The following XPO7 variants were observed in gnomAD, a reference collection of about 807,000 sequenced individuals.
XPO7 encodes the protein exportin 7, also known as exportin-7.
In XPO7, 21 loss-of-function variants were observed where a neutral mutation model predicts 144.3. The ratio of observed to expected loss-of-function variants is 0.15; its 90% CI spans 0.10 to 0.21. The LOEUF (loss-of-function observed/expected upper bound fraction) is 0.21. XPO7 is among the 10% of genes least tolerant of loss of function. The probability of loss-of-function intolerance (pLI) is 1.00; values close to 1 mark genes in which losing one functional copy is unlikely to be tolerated. For synonymous variants in XPO7, 580 were observed against 499.6 expected, an observed-to-expected ratio of 1.16 and a Z score of -2.15; for missense variants, 808 against 1,325.8, an observed-to-expected ratio of 0.61 and a Z score of 6.06.
At chr8:21,925,454 T>A (rs1810429109) in intron 1 of XPO7, among the ~76,000 whole-genome samples, 1 of 152,168 alleles carries the variant, frequency 6.6e-6, no homozygotes, top group African/African-American at 2.4e-5. Flanking sequence ...GTAATAGAAT[T>A]TTCCTTGAAA....
Position 21,943,582 on chromosome 8 carries a change from C to T in XPO7, c.19-23275C>T, listed in dbSNP as rs549219139. On this transcript the variant is annotated intron_variant, in intron 1 of 27. Transcript: ENST00000252512. ...AAAGGGTGAGTCATTTTGTTAAACGCGTAAAACATTCCTTATTTCCTTCCC... is the reference window on the plus strand; with the variant it reads ...AAAGGGTGAGTCATTTTGTTAAACGTGTAAAACATTCCTTATTTCCTTCCC... 3.9e-5 allele frequency among the ~76,000 whole-genome samples: 6 copies of T among 152,256 alleles called. No individual in the cohort carries two copies. The East Asian group carries it at 1.2e-3, about 29-fold the overall frequency.
At chr8:21,945,714 C>G (rs1585429302) in intron 1 of XPO7, among the ~76,000 whole-genome samples, 1 of 152,158 alleles carries the variant, frequency 6.6e-6, no homozygotes, top group Non-Finnish European at 1.5e-5. Context: ...ATTCCATTTC[C>G]TTTTGTATGG....
At chr8:21,950,606 T>C (rs1811338685) in intron 1 of XPO7, among the ~76,000 whole-genome samples, 1 of 152,168 alleles carries the variant, frequency 6.6e-6, no homozygotes, top group South Asian at 2.1e-4. Flanking sequence ...ATATGGACTT[T>C]CCTTAGATGA....
intron 1 of XPO7, among the ~76,000 whole-genome samples, chr8:21,954,549 G>T (rs1162134643): frequency 6.6e-6 from 1 of 152,068 alleles, no homozygotes; most frequent in African/African-American, 2.4e-5. Context: ...CAGGAGAATC[G>T]CTTGAACCCG....
intron 25 of XPO7, among the ~76,000 whole-genome samples, chr8:22,002,563 T>C (rs1215101212): frequency 6.6e-6 from 1 of 152,324 alleles, no homozygotes; most frequent in Admixed American, 6.5e-5. Flanking sequence ...GCTCACCCAC[T>C]GCTATAAATA....
chr8:21,936,169 G>C (rs938169004), intron 1 of XPO7, among the ~76,000 whole-genome samples: 2 of 152,052 alleles, frequency 1.3e-5, no homozygotes, highest in Admixed American at 6.6e-5. Context: ...GACCACTCTT[G>C]AACCTACTGA....
chr8:21,939,665 A>G (rs1427088564), intron 1 of XPO7, among the ~76,000 whole-genome samples: 1 of 152,212 alleles, frequency 6.6e-6, no homozygotes, highest in African/African-American at 2.4e-5. Flanking sequence ...AAATTTTTAA[A>G]CATATCAGGA....
At chr8:21,946,919 G>A (rs766280700) in intron 1 of XPO7, among the ~76,000 whole-genome samples, 11 of 152,180 alleles carry the variant, frequency 7.2e-5, no homozygotes, top group Non-Finnish European at 7.3e-5. Context: ...GTGAATGTCA[G>A]CCTAGCATTG....
chr8:21,920,224 T>A lies in XPO7; in HGVS notation c.18+436T>A, dbSNP rs1439618906. The stretch of plus-strand genomic sequence containing the variant: ...CTCAGCAGATAACAAAAAGGAAACC[T>A]CGCGCTGATAAACCTCGCTCTCCGG... On this transcript the variant is annotated intron_variant, in intron 1 of 27. Coordinates refer to ENST00000252512, the MANE Select transcript of XPO7 (RefSeq NM_015024.5). 2.1e-5 allele frequency among the ~76,000 whole-genome samples: 3 copies of A among 144,634 alleles called. No individual in the cohort carries two copies. The East Asian group carries it at 6.2e-4, about 30-fold the overall frequency. 94.9% of individuals were successfully genotyped at this position (144,634 alleles called of 152,430 possible).
chr8:21,924,001 T>TAG (rs1462332895), intron 1 of XPO7, among the ~76,000 whole-genome samples: 1 of 152,212 alleles, frequency 6.6e-6, no homozygotes, highest in Non-Finnish European at 1.5e-5. Flanking sequence ...GTGGCTTAAC[T>TAG]AGATGGTTTT....
chr8:21,976,768 C>T (rs1812237545), intron 7 of XPO7, among the ~76,000 whole-genome samples: 1 of 152,238 alleles, frequency 6.6e-6, no homozygotes, highest in Non-Finnish European at 1.5e-5. Flanking sequence ...GTCTTCCCAT[C>T]TCAGCCTCCC....
At chr8:21,927,819 A>G (rs545923894) in intron 1 of XPO7, among the ~76,000 whole-genome samples, 8 of 152,202 alleles carry the variant, frequency 5.3e-5, no homozygotes, top group Non-Finnish European at 1.0e-4. Context: ...TGCTGGGATT[A>G]CAGGCGTGAG....
At chr8:21,929,265 C>G (rs1289220937) in intron 1 of XPO7, among the ~76,000 whole-genome samples, 2 of 152,214 alleles carry the variant, frequency 1.3e-5, no homozygotes, top group African/African-American at 2.4e-5. Context: ...CAAAGTGGAA[C>G]ATAGGTTATA....
chr8:21,999,630 T>C lies in XPO7; in HGVS notation c.2738T>C (p.Ile913Thr). 2.5e-6 allele frequency: 4 copies of C among 1,614,000 alleles called. No homozygotes were observed. The highest frequency in any genetic ancestry group is 3.4e-6 in the Non-Finnish European group (4 of 1,179,896). The change falls in exon 24 of 28, where the codon ATC (isoleucine) becomes ACC (threonine). Residue 913 changes from isoleucine (I) to threonine (T), a missense_variant. Ile to Thr is a moderately conservative substitution (Grantham distance 89). Transcript: ENST00000252512. ...ATTGCAAGCCTGGAACCTCACGTCATCATGTATATTCTCTCTTCCATTTCT... is the reference window on the plus strand; with the variant it reads ...ATTGCAAGCCTGGAACCTCACGTCACCATGTATATTCTCTCTTCCATTTCT... ...NFIASLEPHV[I>T]MYILSSISEG...
intron 1 of XPO7, among the ~76,000 whole-genome samples, chr8:21,925,782 A>G: frequency 6.6e-6 from 1 of 152,228 alleles, no homozygotes; most frequent in East Asian, 1.9e-4. Context: ...TCTCCCCAAT[A>G]TAGCACCGTG....
chr8:21,942,941 G>A (rs1811041928), intron 1 of XPO7, among the ~76,000 whole-genome samples: 1 of 152,078 alleles, frequency 6.6e-6, no homozygotes, highest in South Asian at 2.1e-4. Context: ...GAATATAATG[G>A]CTCCCAGTGC....
chr8:21,943,798 T>G (rs1194485390), intron 1 of XPO7, among the ~76,000 whole-genome samples: 1 of 152,204 alleles, frequency 6.6e-6, no homozygotes, highest in Non-Finnish European at 1.5e-5. Flanking sequence ...AGATAAGTTA[T>G]AATCTTATTA....
At chr8:21,988,092 G>T (rs1292403995) in intron 15 of XPO7, among the ~76,000 whole-genome samples, 1 of 152,144 alleles carries the variant, frequency 6.6e-6, no homozygotes, top group Admixed American at 6.5e-5. Context: ...CTCCTCTTTA[G>T]CCTCTGGAAT....
chr8:21,981,274 T>C lies in XPO7; in HGVS notation c.958-457T>C, dbSNP rs149520892. Reference sequence around the variant, plus strand: ...AAGTGATATAAATATATGAAACATTTGTATAACTTTGCTAACTATCGGTTA... The same window carrying C: ...AAGTGATATAAATATATGAAACATTCGTATAACTTTGCTAACTATCGGTTA... On this transcript the variant is annotated intron_variant, in intron 9 of 27. Transcript: ENST00000252512. Among the ~76,000 whole-genome samples the C allele has an allele frequency of 1.6e-3, 241 of 152,362 alleles. 2 individuals carry two copies. The highest frequency in any genetic ancestry group is 5.5e-3 in the African/African-American group (227 of 41,580).
Sources: allele counts gnomAD v4.1 joint callset (sites outside exome capture counted in the v4.1 genomes callset), GRCh38; gene constraint gnomAD v4.1.1; transcripts MANE v1.5; gene names NCBI Gene and HGNC (gene_info 2026-07-23, HGNC 2026-07-21).